The following DIAPH3 variants were observed in gnomAD, a reference collection of about 807,000 sequenced individuals.
The protein encoded by DIAPH3 is diaphanous related formin 3, also known as protein diaphanous homolog 3.
In DIAPH3, 117 loss-of-function variants were observed where a neutral mutation model predicts 144.3. That is an observed-to-expected ratio of 0.81 (90% CI 0.70 to 0.95). DIAPH3 has a LOEUF of 0.95. Among genes scored for constraint, DIAPH3 ranks in the 40% least tolerant of loss-of-function variants. DIAPH3 has a pLI of 0.00. For synonymous variants in DIAPH3, 519 were observed against 488.9 expected (o/e 1.06, Z -0.81); for missense variants, 1,421 against 1,412.7 (o/e 1.01, Z -0.09).
chr13:59,974,589 T>TA, intron 14 of DIAPH3, 133 bp from the exon 15 acceptor site: 12 of 837,024 alleles, frequency 1.4e-5, no homozygotes, highest in Non-Finnish European at 2.1e-5. Context: ...AAAGGAGTGA[T>TA]AGAGTTTTGA....
chr13:59,726,749 A>T (rs2138948502), intron 27 of DIAPH3, among the ~76,000 whole-genome samples: 1 of 152,316 alleles, frequency 6.6e-6, no homozygotes, highest in Non-Finnish European at 1.5e-5. Flanking sequence ...CTGATGGTTT[A>T]ACTGTCCTAA....
At chr13:59,844,574 A>G (rs1044803899) in intron 22 of DIAPH3, among the ~76,000 whole-genome samples, 6 of 151,976 alleles carry the variant, frequency 3.9e-5, no homozygotes, top group Admixed American at 6.6e-5. Flanking sequence ...GTACACTCTT[A>G]AAGAATTTTT....
chr13:59,917,752 T>G (rs2140268424), intron 18 of DIAPH3, among the ~76,000 whole-genome samples: 1 of 151,766 alleles, frequency 6.6e-6, no homozygotes, highest in East Asian at 1.9e-4. Flanking sequence ...TAGCCAGGTA[T>G]GGTGGCATGT....
At chr13:59,822,242 T>C (rs927540257) in intron 24 of DIAPH3, among the ~76,000 whole-genome samples, 2 of 152,074 alleles carry the variant, frequency 1.3e-5, no homozygotes, top group Non-Finnish European at 2.9e-5. Flanking sequence ...TGATATATAA[T>C]AAAAATATTA....
chr13:59,883,038 C>T (rs2045186767), intron 20 of DIAPH3, among the ~76,000 whole-genome samples: 3 of 151,972 alleles, frequency 2.0e-5, no homozygotes, highest in African/African-American at 7.3e-5. Context: ...TGTTTGTTGG[C>T]AATATATGTT....
intron 21 of DIAPH3, among the ~76,000 whole-genome samples, chr13:59,874,758 T>C (rs1463733662): frequency 6.6e-6 from 1 of 152,184 alleles, no homozygotes; most frequent in Non-Finnish European, 1.5e-5. Context: ...TTATTACACG[T>C]GGTAAAACTC....
intron 4 of DIAPH3, among the ~76,000 whole-genome samples, chr13:60,073,955 A>G (rs1414071339): frequency 2.0e-5 from 3 of 152,234 alleles, no homozygotes; most frequent in Non-Finnish European, 4.4e-5. Flanking sequence ...AAACAAGACA[A>G]AAATGGTGTT....
At chr13:59,898,157 GAAAAAGA>G (rs1321063240) in intron 20 of DIAPH3, among the ~76,000 whole-genome samples, 1,698 of 109,690 alleles carry the variant, frequency 0.015, 43 homozygotes, top group East Asian at 0.11. Context: ...AAAAAAAAAA[GAAAAAGA>G]AAAAAGAAAA....
At chr13:60,160,524 G>A (rs1952242789) in intron 1 of DIAPH3, among the ~76,000 whole-genome samples, 1 of 152,194 alleles carries the variant, frequency 6.6e-6, no homozygotes, top group Non-Finnish European at 1.5e-5. Context: ...TGAGAAACAG[G>A]TATTACTGAA....
At chr13:59,694,491 A>C (rs2033691134) in intron 27 of DIAPH3, among the ~76,000 whole-genome samples, 1 of 152,162 alleles carries the variant, frequency 6.6e-6, no homozygotes, top group Non-Finnish European at 1.5e-5. Flanking sequence ...TTTGTGTCTT[A>C]GTTGGGTACT....
intron 2 of DIAPH3, among the ~76,000 whole-genome samples, chr13:60,131,502 G>C (rs906380702): frequency 8.2e-5 from 12 of 145,978 alleles, no homozygotes; most frequent in Admixed American, 2.1e-4. Context: ...GATGAACCTT[G>C]AACACATTAT....
intron 27 of DIAPH3, among the ~76,000 whole-genome samples, chr13:59,670,335 T>G (rs2138583437): frequency 6.6e-6 from 1 of 152,306 alleles, no homozygotes; most frequent in African/African-American, 2.4e-5. Context: ...TATAGCTTTC[T>G]TAGAAATTCC....
At chr13:59,699,266 A>T (rs1397166938) in intron 27 of DIAPH3, among the ~76,000 whole-genome samples, 1 of 152,234 alleles carries the variant, frequency 6.6e-6, no homozygotes, top group African/African-American at 2.4e-5. Context: ...TGGAGCAGAG[A>T]TCTGTAGGAA....
intron 25 of DIAPH3, among the ~76,000 whole-genome samples, chr13:59,790,875 C>T (rs1192323551): frequency 6.6e-6 from 1 of 152,182 alleles, no homozygotes; most frequent in Non-Finnish European, 1.5e-5. Context: ...CCTCCCCCCG[C>T]TCCACAACTA....
intron 25 of DIAPH3, among the ~76,000 whole-genome samples, chr13:59,775,390 CT>C (rs2038356081): frequency 6.6e-6 from 1 of 151,998 alleles, no homozygotes; most frequent in Admixed American, 6.6e-5. Context: ...CTACAGGCGC[CT>C]GCCACCACGC....
intron 22 of DIAPH3, among the ~76,000 whole-genome samples, chr13:59,854,711 G>T (rs1050378678): frequency 6.6e-6 from 1 of 152,146 alleles, no homozygotes; most frequent in Non-Finnish European, 1.5e-5. Context: ...GGTCATCACT[G>T]GTGATACTGT....
chr13:59,861,565 CAG>C lies in DIAPH3; in HGVS notation c.2608-31_2608-30del, dbSNP rs77371736. On this transcript the variant is annotated intron_variant, in intron 21 of 27. Coordinates refer to ENST00000400324, the MANE Select transcript of DIAPH3 (RefSeq NM_001042517.2). ...AATAGAACAGGAGGGAGAAAAAACA[CAG>C]AGTCATAAGTATGTTGATATTCTGT... 3.7e-6 allele frequency: 6 copies of C among 1,603,056 alleles called. No homozygotes were observed. The Admixed American group carries it at 5.0e-5, about 13-fold the overall frequency.
intron 27 of DIAPH3, among the ~76,000 whole-genome samples, chr13:59,732,517 C>G (rs1344297211): frequency 6.6e-6 from 1 of 151,710 alleles, no homozygotes; most frequent in African/African-American, 2.4e-5. Context: ...TCACAGCTCA[C>G]TGCAGCCTCA....
At chr13:59,879,104 T>G in intron 21 of DIAPH3, 125 bp downstream of exon 21, 1 of 1,363,194 alleles carries the variant, frequency 7.3e-7, no homozygotes, top group African/African-American at 1.5e-5. Context: ...TTTGAGTTCA[T>G]GGTTCAGTTC....
Sources: gnomAD v4.1 joint callset for allele counts (sites outside exome capture counted in the v4.1 genomes callset) on GRCh38, gnomAD v4.1.1 for gene constraint, MANE v1.5 for transcripts, NCBI Gene and HGNC (gene_info 2026-07-23, HGNC 2026-07-21) for gene names.